Variants in DGKI observed in about 807,000 individuals in gnomAD.
The protein encoded by DGKI is DAG kinase iota.
DGKI carries 55 observed loss-of-function variants against 147.5 expected under a neutral mutation model. The observed-to-expected ratio is 0.37, with a 90% CI of 0.30 to 0.47. The LOEUF is 0.47. Among genes scored for constraint, DGKI ranks in the 20% least tolerant of loss-of-function variants. The probability of loss-of-function intolerance (pLI) is 1.00; values close to 1 mark genes in which losing one functional copy is unlikely to be tolerated. For synonymous variants in DGKI, 469 were observed against 477.1 expected (o/e 0.98, Z 0.22); for missense variants, 1,007 against 1,323.8 (o/e 0.76, Z 3.71).
At chr7:137,821,394 CACAG>C (rs1416173015) in intron 1 of DGKI, among the ~76,000 whole-genome samples, 2 of 151,562 alleles carry the variant, frequency 1.3e-5, no homozygotes, top group African/African-American at 4.8e-5. Flanking sequence ...CACCCCTGGT[CACAG>C]ACAGAGAATT....
At chr7:137,720,363 T>C (rs1794512281) in intron 1 of DGKI, among the ~76,000 whole-genome samples, 3 of 144,180 alleles carry the variant, frequency 2.1e-5, no homozygotes, top group South Asian at 2.3e-4. Context: ...GTTCACACCA[T>C]TCTCCTGCCT....
chr7:137,625,455 A>G (rs1156442183), intron 6 of DGKI, among the ~76,000 whole-genome samples: 1 of 152,050 alleles, frequency 6.6e-6, no homozygotes, highest in Non-Finnish European at 1.5e-5. Context: ...GCAAGACTCC[A>G]TCTCAAAAAA....
chr7:137,633,810 A>G (rs576134386), intron 6 of DGKI, among the ~76,000 whole-genome samples: 14 of 152,374 alleles, frequency 9.2e-5, no homozygotes, highest in African/African-American at 2.9e-4. Flanking sequence ...CAGGGTTAAC[A>G]GTACATTTTT....
At chr7:137,444,925 T>G (rs1011037779) in intron 27 of DGKI, among the ~76,000 whole-genome samples, 17 of 152,182 alleles carry the variant, frequency 1.1e-4, no homozygotes, top group African/African-American at 4.1e-4. Context: ...CATATAACAT[T>G]ATATTCAGAG....
intron 1 of DGKI, among the ~76,000 whole-genome samples, chr7:137,730,407 T>G (rs1794842049): frequency 6.6e-6 from 1 of 152,114 alleles, no homozygotes; most frequent in Non-Finnish European, 1.5e-5. Flanking sequence ...CTTTCAAGTC[T>G]TGTCATCTTT....
At chr7:137,583,460 A>T (rs1032646413) in intron 14 of DGKI, among the ~76,000 whole-genome samples, 1 of 152,218 alleles carries the variant, frequency 6.6e-6, no homozygotes, top group African/African-American at 2.4e-5. Flanking sequence ...CCATGTCTTA[A>T]CATCTACTGA....
rs752688892 is a variant in DGKI, at chr7:137,487,622, G to T, written c.2316C>A (p.Asp772Glu). Residue 772 changes from aspartate (D) to glutamate (E), a missense_variant, in exon 22 of 33, where the codon GAC becomes GAA. Coordinates refer to ENST00000614521, the MANE Select transcript of DGKI (RefSeq NM_001321708.2). ...TAAATAAACTCACCTCCTGTAGGCG[G>T]TCTATGTACATACGGCAAGTCTCCA... Reference protein sequence around the residue: ...CDLETCRMYIDRLQEDLQSVS... With the variant: ...CDLETCRMYIERLQEDLQSVS... 6 of 1,613,650 alleles carry T rather than the reference G, an allele frequency of 3.7e-6. No homozygotes were observed. Among genetic ancestry groups the T allele is most frequent in the Non-Finnish European group, 5.1e-6 (6 of 1,179,666 alleles).
chr7:137,804,359 T>A (rs1797300857), intron 1 of DGKI, among the ~76,000 whole-genome samples: 1 of 152,184 alleles, frequency 6.6e-6, no homozygotes, highest in African/African-American at 2.4e-5. Flanking sequence ...GGCATATAAA[T>A]ATAGGCTAGT....
At chr7:137,655,590 G>A (rs563519108) in intron 4 of DGKI, among the ~76,000 whole-genome samples, 5 of 152,290 alleles carry the variant, frequency 3.3e-5, no homozygotes, top group East Asian at 1.9e-4. Context: ...TTAGCTACTC[G>A]ATAAAGTGAA....
At chr7:137,803,068 C>T (rs922898663) in intron 1 of DGKI, among the ~76,000 whole-genome samples, 2 of 152,052 alleles carry the variant, frequency 1.3e-5, no homozygotes, top group Non-Finnish European at 2.9e-5. Flanking sequence ...AGAGGAAAGG[C>T]CAGGGCAGGT....
intron 29 of DGKI, among the ~76,000 whole-genome samples, chr7:137,409,279 C>T (rs972954101): frequency 3.3e-5 from 5 of 152,160 alleles, no homozygotes; most frequent in Non-Finnish European, 5.9e-5. Context: ...TCAGAGTTCA[C>T]GTCTTCACTC....
intron 3 of DGKI, among the ~76,000 whole-genome samples, chr7:137,674,428 T>C (rs992270460): frequency 1.3e-5 from 2 of 152,322 alleles, no homozygotes; most frequent in African/African-American, 2.4e-5. Context: ...TAGTTTTACA[T>C]AGATGCCCTA....
chr7:137,566,067 G>A (rs1818575628), intron 19 of DGKI, among the ~76,000 whole-genome samples: 1 of 152,134 alleles, frequency 6.6e-6, no homozygotes, highest in Non-Finnish European at 1.5e-5. Flanking sequence ...ATTTATTAGT[G>A]TATTCCATGA....
At chr7:137,527,268 C>G (rs1817183995) in intron 20 of DGKI, among the ~76,000 whole-genome samples, 1 of 152,160 alleles carries the variant, frequency 6.6e-6, no homozygotes, top group Non-Finnish European at 1.5e-5. Flanking sequence ...TATTATCGCC[C>G]TAGCGCTTCT....
At chr7:137,463,057 T>G (rs1003433321) in intron 27 of DGKI, among the ~76,000 whole-genome samples, 2 of 152,058 alleles carry the variant, frequency 1.3e-5, no homozygotes, top group Middle Eastern at 3.2e-3. Flanking sequence ...ACAGCACACA[T>G]GCACAGGCTC....
intron 1 of DGKI, among the ~76,000 whole-genome samples, chr7:137,695,286 C>G (rs1159728284): frequency 6.6e-6 from 1 of 152,192 alleles, no homozygotes; most frequent in East Asian, 1.9e-4. Flanking sequence ...TAAGCCCAGG[C>G]CTTTACATAT....
chr7:137,695,040 G>C (rs376299005), intron 1 of DGKI, among the ~76,000 whole-genome samples: 35 of 152,106 alleles, frequency 2.3e-4, no homozygotes, highest in African/African-American at 8.5e-4. Flanking sequence ...ATCCCATTGA[G>C]TCACTCAAAA....
intron 20 of DGKI, among the ~76,000 whole-genome samples, chr7:137,526,375 G>A (rs1428525487): frequency 7.0e-6 from 1 of 143,098 alleles, no homozygotes; most frequent in African/African-American, 2.5e-5. Context: ...TCCTATTGGG[G>A]TAGTGACCTA....
intron 21 of DGKI, among the ~76,000 whole-genome samples, chr7:137,516,401 C>T (rs971076507): frequency 2.0e-5 from 3 of 152,100 alleles, no homozygotes; most frequent in African/African-American, 2.4e-5. Context: ...ACAAATGCAT[C>T]GCCCAAGGTC....
Sources: allele counts gnomAD v4.1 joint callset (sites outside exome capture counted in the v4.1 genomes callset), GRCh38; gene constraint gnomAD v4.1.1; transcripts MANE v1.5; gene names NCBI Gene and HGNC (gene_info 2026-07-23, HGNC 2026-07-21).